SH3BGRL2: variants seen among roughly 807,000 people sequenced by gnomAD.
SH3BGRL2 encodes the protein SH3 domain binding glutamate rich protein like 2, also known as SH3 domain-binding glutamic acid-rich-like protein 2.
In SH3BGRL2, 21 loss-of-function variants were observed where a neutral mutation model predicts 14.8. The ratio of observed to expected loss-of-function variants is 1.42; its 90% confidence interval spans 1.01 to 2.05. SH3BGRL2 has a LOEUF of 2.05. Among genes scored for constraint, SH3BGRL2 ranks in the 30% most tolerant of loss-of-function variants. The pLI, the probability that SH3BGRL2 is intolerant of heterozygous loss-of-function variation, is 0.00. For synonymous variants in SH3BGRL2, 50 were observed against 47.8 expected (o/e 1.05, Z -0.19); for missense variants, 147 against 130.8 (o/e 1.12, Z -0.61).
intron 1 of SH3BGRL2, among the ~76,000 whole-genome samples, chr6:79,669,393 G>A (rs1270692376): frequency 2.0e-5 from 3 of 150,290 alleles, no homozygotes; most frequent in Admixed American, 1.3e-4. Context: ...GTCTTGTCTA[G>A]TCATTAACAA....
At chr6:79,661,137 CT>C (rs1769538319) in intron 1 of SH3BGRL2, among the ~76,000 whole-genome samples, 1 of 151,996 alleles carries the variant, frequency 6.6e-6, no homozygotes, top group African/African-American at 2.4e-5. Context: ...TCCTTCAGTT[CT>C]TCTCTAATCT....
intron 1 of SH3BGRL2, among the ~76,000 whole-genome samples, chr6:79,655,911 A>G (rs1769401483): frequency 6.6e-6 from 1 of 152,190 alleles, no homozygotes; most frequent in African/African-American, 2.4e-5. Flanking sequence ...GGTGACCCAG[A>G]TTCACCCAAG....
At chr6:79,676,466 T>C (rs1769883630) in intron 2 of SH3BGRL2, among the ~76,000 whole-genome samples, 1 of 152,122 alleles carries the variant, frequency 6.6e-6, no homozygotes, top group Admixed American at 6.6e-5. Flanking sequence ...ACCTTGCTTC[T>C]TGCTGATAGT....
chr6:79,592,000 G>C, the SH3BGRL2 span, among the ~76,000 whole-genome samples: 1 of 152,008 alleles, frequency 6.6e-6, no homozygotes, highest in Admixed American at 6.6e-5. Flanking sequence ...TTTATGCACA[G>C]CCCGAGAAAG....
the SH3BGRL2 span, among the ~76,000 whole-genome samples, chr6:79,571,239 G>T: frequency 6.6e-6 from 1 of 152,162 alleles, no homozygotes; most frequent in Admixed American, 6.5e-5. Flanking sequence ...ACATTCTCCT[G>T]AATGAACGTC....
chr6:79,631,972 T>C (rs1562142743), intron 1 of SH3BGRL2, among the ~76,000 whole-genome samples: 1 of 152,172 alleles, frequency 6.6e-6, no homozygotes, highest in Non-Finnish European at 1.5e-5. Flanking sequence ...CTCTCTGTCC[T>C]CCCTTCCCCG....
At chr6:79,675,470 C>G (rs1769862108) in intron 2 of SH3BGRL2, among the ~76,000 whole-genome samples, 1 of 152,006 alleles carries the variant, frequency 6.6e-6, no homozygotes, top group Non-Finnish European at 1.5e-5. Context: ...GTGCTGAGTG[C>G]TCAGTATGCC....
chr6:79,636,813 T>C (rs976214994), intron 1 of SH3BGRL2, among the ~76,000 whole-genome samples: 3 of 152,170 alleles, frequency 2.0e-5, no homozygotes, highest in Non-Finnish European at 4.4e-5. Context: ...TCTGTGCATG[T>C]ATCTTTGTGC....
Position 79,699,463 on chromosome 6 carries a change from C to CTTTT in SH3BGRL2, c.313-8_313-5dup, listed in dbSNP as rs35728679. 1.6e-3 allele frequency: 1,445 copies of CTTTT among 880,020 alleles called. 10 individuals are homozygous for CTTTT. Among genetic ancestry groups the CTTTT allele is most frequent in the East Asian group, 5.5e-3 (144 of 26,316 alleles). The allele number at this position is 880,020 out of a possible 1,614,324, so 54.5% of individuals were successfully genotyped here. A position where few individuals can be genotyped will look rare whatever the true frequency, so the allele number is the denominator to read the frequency against. The stretch of plus-strand genomic sequence containing the variant: ...CTTGTCGATGTAATGCAATAACTGA[C>CTTTT]TTTTTTTTTTTTTTTTTTTTTTTTT... On this transcript the variant is annotated intron_variant, in intron 3 of 3. Coordinates refer to ENST00000369838, the MANE Select transcript of SH3BGRL2 (RefSeq NM_031469.4).
At chr6:79,541,864 G>A in the SH3BGRL2 span, among the ~76,000 whole-genome samples, 1 of 152,086 alleles carries the variant, frequency 6.6e-6, no homozygotes, top group East Asian at 1.9e-4. Flanking sequence ...TGGTGGGCTT[G>A]TTTTCACATT....
intron 1 of SH3BGRL2, among the ~76,000 whole-genome samples, chr6:79,670,703 T>C (rs752938610): frequency 1.3e-5 from 2 of 152,212 alleles, no homozygotes; most frequent in African/African-American, 2.4e-5. Flanking sequence ...TAGAATAGGT[T>C]GTGCATGAAG....
At chr6:79,614,561 T>TTC in the SH3BGRL2 span, among the ~76,000 whole-genome samples, 2 of 152,114 alleles carry the variant, frequency 1.3e-5, no homozygotes, top group African/African-American at 2.4e-5. Flanking sequence ...GGGCCTTGAG[T>TTC]ACACAGCTTG....
At chr6:79,608,507 C>G in the SH3BGRL2 span, among the ~76,000 whole-genome samples, 22 of 152,252 alleles carry the variant, frequency 1.4e-4, no homozygotes, top group African/African-American at 4.8e-4. Flanking sequence ...CTCACTGTGT[C>G]GTACAAAGGG....
chr6:79,688,585 G>A (rs1770148182), intron 2 of SH3BGRL2, among the ~76,000 whole-genome samples: 1 of 152,126 alleles, frequency 6.6e-6, no homozygotes. Context: ...AGACTATAAG[G>A]AATTCAGTGA....
chr6:79,571,272 A>G, the SH3BGRL2 span, among the ~76,000 whole-genome samples: 32 of 152,190 alleles, frequency 2.1e-4, no homozygotes, highest in Admixed American at 2.1e-3. Context: ...TTATAAGGAC[A>G]TTGCCACTTG....
chr6:79,641,155 TGTGTGTGTG>T (rs1479706035), intron 1 of SH3BGRL2, among the ~76,000 whole-genome samples: 3 of 46,532 alleles, frequency 6.4e-5, no homozygotes, highest in Non-Finnish European at 9.1e-5. Flanking sequence ...CCCTTTTGTG[TGTGTGTGTG>T]TGTGTGTGTG....
chr6:79,615,223 C>G, the SH3BGRL2 span, among the ~76,000 whole-genome samples: 1 of 152,156 alleles, frequency 6.6e-6, no homozygotes, highest in East Asian at 1.9e-4. Flanking sequence ...CACAAAAGAT[C>G]ACACTTCTGA....
the SH3BGRL2 span, among the ~76,000 whole-genome samples, chr6:79,602,191 C>T: frequency 1.1e-4 from 17 of 152,278 alleles, no homozygotes; most frequent in African/African-American, 3.6e-4. Flanking sequence ...ACTAGGAATA[C>T]AATGTTAAAC....
the SH3BGRL2 span, among the ~76,000 whole-genome samples, chr6:79,581,994 GACAA>G: frequency 7.1e-3 from 1,082 of 152,160 alleles, 14 homozygotes; most frequent in African/African-American, 0.024. Context: ...ACCATTAACA[GACAA>G]ACAGAGAGCC....
Sources: allele counts gnomAD v4.1 joint callset (sites outside exome capture counted in the v4.1 genomes callset), GRCh38; gene constraint gnomAD v4.1.1; transcripts MANE v1.5; gene names NCBI Gene and HGNC (gene_info 2026-07-23, HGNC 2026-07-21).